Variants in TTC33 observed in about 807,000 individuals in gnomAD.
TTC33 encodes tetratricopeptide repeat protein 33.
In TTC33, 24 loss-of-function variants were observed where a neutral mutation model predicts 29.4. That is an observed-to-expected ratio of 0.82 (90% confidence interval 0.59 to 1.15). TTC33 has a LOEUF of 1.15. TTC33 is among the 50% of genes most tolerant of loss of function. The pLI is 0.00. For missense variants in TTC33, 286 were observed against 310.4 expected, an observed-to-expected ratio of 0.92 and a Z score of 0.59; for synonymous variants, 107 against 100.3, an observed-to-expected ratio of 1.07 and a Z score of -0.40.
At chr5:40,726,843 A>C (rs1742299624) in intron 4 of TTC33, among the ~76,000 whole-genome samples, 1 of 152,120 alleles carries the variant, frequency 6.6e-6, no homozygotes, top group South Asian at 2.1e-4. Context: ...GCAAGGAAAA[A>C]GTATTATATG....
chr5:40,731,894 C>T (rs1049706089), intron 2 of TTC33, among the ~76,000 whole-genome samples: 1 of 152,214 alleles, frequency 6.6e-6, no homozygotes, highest in Non-Finnish European at 1.5e-5. Context: ...CATAGCAACA[C>T]TTATATTTCC....
At chr5:40,733,341 C>T (rs187458763) in intron 2 of TTC33, among the ~76,000 whole-genome samples, 1 of 152,238 alleles carries the variant, frequency 6.6e-6, no homozygotes, top group Admixed American at 6.5e-5. Flanking sequence ...GTTTTGTGAA[C>T]CATACAGTCT....
At chr5:40,733,237 G>A (rs1036046292) in intron 2 of TTC33, among the ~76,000 whole-genome samples, 1 of 152,178 alleles carries the variant, frequency 6.6e-6, no homozygotes, top group Non-Finnish European at 1.5e-5. Context: ...TGAGGTTTCA[G>A]GAGTCTTTGA....
intron 2 of TTC33, among the ~76,000 whole-genome samples, chr5:40,746,129 A>C (rs1742783898): frequency 6.6e-6 from 1 of 152,154 alleles, no homozygotes. Flanking sequence ...TCTACTAAAA[A>C]ATTTGTCTTT....
Position 40,716,242 on chromosome 5 carries a change from A to G in TTC33, c.692T>C (p.Met231Thr). Reference protein sequence around the residue: ...KEKTVSANKTMVIVSASGAIE... With the variant: ...KEKTVSANKTTVIVSASGAIE... ...GGCCCCAGAAGCAGACACAATAACCATTGTTTTATTTGCTGAAACTGTCTT... is the reference window on the plus strand; with the variant it reads ...GGCCCCAGAAGCAGACACAATAACCGTTGTTTTATTTGCTGAAACTGTCTT... The change falls in exon 5 of 5, where the codon ATG becomes ACG. Residue 231 changes from methionine to threonine, a missense_variant. Transcript: ENST00000337702. 1 of 1,614,182 alleles carries G rather than the reference A, an allele frequency of 6.2e-7. No homozygotes were observed. Among genetic ancestry groups the G allele is most frequent in the Non-Finnish European group, 8.5e-7 (1 of 1,180,036 alleles).
intron 4 of TTC33, among the ~76,000 whole-genome samples, chr5:40,723,411 A>C (rs541185251): frequency 3.9e-4 from 59 of 152,248 alleles, no homozygotes; most frequent in African/African-American, 1.4e-3. Flanking sequence ...TTCTCCGAGA[A>C]ACACCCAAGA....
chr5:40,717,853 C>T (rs182213658), intron 4 of TTC33, among the ~76,000 whole-genome samples: 65 of 151,826 alleles, frequency 4.3e-4, no homozygotes, highest in African/African-American at 1.4e-3. Context: ...CACCTGAGGT[C>T]AGAAGTTCAA....
chr5:40,738,539 C>A (rs7700712), intron 2 of TTC33, among the ~76,000 whole-genome samples: 9,296 of 63,274 alleles, frequency 0.15, 1,268 homozygotes, highest in East Asian at 0.26. Context: ...CAATAAAATA[C>A]AATAAAATAA....
chr5:40,747,715 A>G (rs1742822830), intron 1 of TTC33, among the ~76,000 whole-genome samples: 1 of 152,226 alleles, frequency 6.6e-6, no homozygotes, highest in African/African-American at 2.4e-5. Context: ...CAGGAAAGAA[A>G]GAAGAGAAAG....
At position 40,730,338 on chromosome 5, in the gene TTC33, C is replaced by T. The variant is rs374276458; in HGVS notation, c.227G>A (p.Arg76Gln). 1.4e-5 allele frequency: 22 copies of T among 1,611,758 alleles called. No individual in the cohort carries two copies. Among genetic ancestry groups the T allele is most frequent in the East Asian group, 4.5e-5 (2 of 44,846 alleles). Residue 76 changes from arginine (R) to glutamine (Q), a missense_variant, in exon 3 of 5, where the codon CGG becomes CAG. Transcript: ENST00000337702. Reference protein sequence around the residue: ...GASLAENKRYREAIQKWDEAL... With the variant: ...GASLAENKRYQEAIQKWDEAL... ...TTCATCCCACTTCTGAATTGCCTCC[C>T]GATATCTGTGGTTGTTAAAGTTATA...
chr5:40,755,868 C>A lies in TTC33; in HGVS notation c.-46G>T, dbSNP rs963532073. ...GGTTTCCTAAGAAACGGGTTTGGCC[C>A]ACCCCTGGGCGTTCGAACAGTCCAC... On this transcript the variant is annotated 5_prime_UTR_variant, in exon 1 of 5. Transcript: ENST00000337702. 3 of 151,616 alleles carry A rather than the reference C, an allele frequency of 2.0e-5. No homozygotes were observed. In the South Asian group the frequency reaches 6.2e-4, roughly 31 times the overall value. The allele number at this position is 151,616 out of a possible 1,614,324, so 9.4% of individuals were successfully genotyped here.
At chr5:40,721,178 GA>G (rs1742123588) in intron 4 of TTC33, among the ~76,000 whole-genome samples, 1 of 152,154 alleles carries the variant, frequency 6.6e-6, no homozygotes, top group Non-Finnish European at 1.5e-5. Context: ...ACCTGTAGTG[GA>G]GTACTGATGG....
Position 40,714,604 on chromosome 5 carries a change from C to T in TTC33, c.*1541G>A, listed in dbSNP as rs1232570178. ...CGTTTTGAGAATGTTCTTTATTAAA[C>T]AAAATAAAATAATTAACATATTTTT... is the stretch of plus-strand genomic sequence containing the variant. On this transcript the variant is annotated 3_prime_UTR_variant, in exon 5 of 5. Transcript: ENST00000337702. The T allele has an allele frequency of 6.6e-6, 1 of 152,090 alleles. No individual in the cohort carries two copies. The highest frequency in any genetic ancestry group is 2.4e-5 in the African/African-American group (1 of 41,442). The allele number at this position is 152,090 out of a possible 1,614,324, so 9.4% of individuals were successfully genotyped here. A position where few individuals can be genotyped will look rare whatever the true frequency, so the allele number is the denominator to read the frequency against.
chr5:40,751,933 G>A (rs1349685311), intron 1 of TTC33, among the ~76,000 whole-genome samples: 4 of 150,684 alleles, frequency 2.7e-5, no homozygotes, highest in East Asian at 2.0e-4. Context: ...CTCCAGCCTG[G>A]GCAACAGAGT....
intron 2 of TTC33, among the ~76,000 whole-genome samples, chr5:40,734,798 T>G (rs137959586): frequency 6.6e-6 from 1 of 152,334 alleles, no homozygotes; most frequent in East Asian, 1.9e-4. Flanking sequence ...CCTACTATTC[T>G]TCCAGATCTT....
chr5:40,746,929 C>T lies in TTC33; in HGVS notation c.90G>A (p.Lys30=), dbSNP rs1561154777. Residue 30 remains lysine, a synonymous_variant, in exon 2 of 5, where the codon AAG becomes AAA. Coordinates refer to ENST00000337702, the MANE Select transcript of TTC33 (RefSeq NM_012382.3). ...TCCCTTCATCGTTGTCAACTACATC[C>T]TTCTCATCAGCAGCTTCAGCTTCAA... ...QQFEAEAADE[K]DVVDNDEGNW... 1 of 1,614,200 alleles carries T rather than the reference C, an allele frequency of 6.2e-7. No homozygotes were observed.
At chr5:40,728,230 G>T in intron 4 of TTC33, 115 bp downstream of exon 4, 1 of 815,740 alleles carries the variant, frequency 1.2e-6, no homozygotes, top group Non-Finnish European at 1.7e-6. Context: ...GTTGCCGTGA[G>T]CTGAGATTGC....
rs760117685 is a variant in TTC33 at position 40,728,357 on chromosome 5, T to G, written c.423A>C (p.Gly141=). 5.0e-6 allele frequency: 8 copies of G among 1,590,842 alleles called. No homozygotes were observed. Among genetic ancestry groups the G allele is most frequent in the Non-Finnish European group, 6.9e-6 (8 of 1,167,186 alleles). The change falls in exon 4 of 5, where the codon GGA becomes GGC. Residue 141 remains glycine, a synonymous_variant. Transcript: ENST00000337702. The part of the protein sequence containing the change: ...QTLGRAQLGL[G]EIILAIRSFQ... ...CTGACTTCCTCACCAGGATTATCTC[T>G]CCTAAACCAAGTTGAGCACGTCCCA...
chr5:40,740,400 A>T (rs1020619547), intron 2 of TTC33, among the ~76,000 whole-genome samples: 7 of 152,002 alleles, frequency 4.6e-5, no homozygotes, highest in Admixed American at 3.3e-4. Flanking sequence ...TTTCTGAAAG[A>T]TATTTTTATA....
Sources: allele counts gnomAD v4.1 joint callset (sites outside exome capture counted in the v4.1 genomes callset), GRCh38; gene constraint gnomAD v4.1.1; transcripts MANE v1.5; gene names NCBI Gene and HGNC (gene_info 2026-07-23, HGNC 2026-07-21).